Variants in TFCP2 observed in about 807,000 individuals in gnomAD.
TFCP2 encodes transcription factor CP2, also known as alpha-globin transcription factor CP2.
A neutral mutation model predicts 73.4 loss-of-function variants in TFCP2; 33 were observed. The ratio of observed to expected loss-of-function variants is 0.45; its 90% CI spans 0.34 to 0.60. The LOEUF is 0.60. Among genes scored for constraint, TFCP2 ranks in the 20% least tolerant of loss-of-function variants. TFCP2 has a pLI of 0.01. For missense variants in TFCP2, 352 were observed against 604.0 expected (o/e 0.58, Z 4.37); for synonymous variants, 193 against 211.6 (o/e 0.91, Z 0.76).
At chr12:51,142,161 GC>G (rs1304937108) in intron 1 of TFCP2, among the ~76,000 whole-genome samples, 2 of 120,052 alleles carry the variant, frequency 1.7e-5, no homozygotes, top group African/African-American at 3.2e-5. Context: ...CCGAGATTGT[GC>G]CACGGCACTC....
intron 1 of TFCP2, among the ~76,000 whole-genome samples, chr12:51,158,314 A>G (rs1192538514): frequency 1.3e-5 from 2 of 151,944 alleles, no homozygotes; most frequent in African/African-American, 4.8e-5. Flanking sequence ...CCTGGCCTCC[A>G]TTATAATCTT....
chr12:51,098,961 C>T (rs1940038780), intron 12 of TFCP2, 43 bp from the exon 13 acceptor site: 1 of 1,604,236 alleles, frequency 6.2e-7, no homozygotes, highest in African/African-American at 1.3e-5. Context: ...CAAAGTTTGT[C>T]CACTCTTACA....
chr12:51,099,843 G>C, intron 11 of TFCP2, 64 bp from the exon 12 acceptor site: 4 of 1,572,708 alleles, frequency 2.5e-6, no homozygotes, highest in Non-Finnish European at 3.5e-6. Flanking sequence ...AAAAAGAAGG[G>C]AGAAATTGTG....
intron 8 of TFCP2, 33 bp downstream of exon 8, chr12:51,106,492 C>A: frequency 6.6e-7 from 1 of 1,515,748 alleles, no homozygotes; most frequent in African/African-American, 1.4e-5. Context: ...ATATTTTGGA[C>A]AAATATAAGC....
chr12:51,126,001 C>G (rs149967439), intron 1 of TFCP2, among the ~76,000 whole-genome samples: 2,275 of 151,908 alleles, frequency 0.015, 59 homozygotes, highest in African/African-American at 0.052. Context: ...GAGGCTGAGG[C>G]AGGTGGATCA....
chr12:51,099,031 A>C, intron 12 of TFCP2, 113 bp from the exon 13 acceptor site: 1 of 1,183,944 alleles, frequency 8.4e-7, no homozygotes, highest in East Asian at 2.5e-5. Context: ...ACACTGCCTA[A>C]GTTCAAATCC....
At chr12:51,162,625 A>G (rs1437423182) in intron 1 of TFCP2, among the ~76,000 whole-genome samples, 5 of 152,136 alleles carry the variant, frequency 3.3e-5, no homozygotes, top group African/African-American at 4.8e-5. Flanking sequence ...AGTATACAAT[A>G]TATCGTTTTA....
At chr12:51,100,749 G>C (rs1940091180) in intron 11 of TFCP2, among the ~76,000 whole-genome samples, 1 of 152,138 alleles carries the variant, frequency 6.6e-6, no homozygotes, top group African/African-American at 2.4e-5. Flanking sequence ...AGGAAATCGA[G>C]GCTGCAGTGA....
At chr12:51,125,048 G>C in intron 1 of TFCP2, 1 of 747,896 alleles carries the variant, frequency 1.3e-6, no homozygotes, top group Non-Finnish European at 2.5e-6. Flanking sequence ...TCTCGGTCGT[G>C]ATGTACGTCA....
intron 1 of TFCP2, among the ~76,000 whole-genome samples, chr12:51,129,640 C>T (rs1940895956): frequency 6.6e-6 from 1 of 151,792 alleles, no homozygotes; most frequent in South Asian, 2.1e-4. Flanking sequence ...CTTTTTAGTT[C>T]TGTTCTGTAA....
At chr12:51,126,504 T>G (rs1940823095) in intron 1 of TFCP2, among the ~76,000 whole-genome samples, 2 of 152,186 alleles carry the variant, frequency 1.3e-5, no homozygotes, top group Non-Finnish European at 2.9e-5. Flanking sequence ...TGGTCTCTAA[T>G]TCATAACTGT....
At chr12:51,111,103 ATTTC>A (rs1566204504) in intron 4 of TFCP2, 120 bp from the exon 5 acceptor site, 25 of 650,668 alleles carry the variant, frequency 3.8e-5, no homozygotes, top group Admixed American at 1.3e-4. Flanking sequence ...CACATCCTAA[ATTTC>A]TTTGTTTTTT....
chr12:51,114,239 A>G (rs1940463508), intron 4 of TFCP2, among the ~76,000 whole-genome samples: 2 of 152,198 alleles, frequency 1.3e-5, no homozygotes, highest in African/African-American at 2.4e-5. Flanking sequence ...TTTCAACTCA[A>G]TAACAAAAAA....
At chr12:51,116,056 G>A (rs746027361) in intron 4 of TFCP2, among the ~76,000 whole-genome samples, 6 of 152,140 alleles carry the variant, frequency 3.9e-5, no homozygotes, top group Non-Finnish European at 7.3e-5. Flanking sequence ...TTTATGTAAT[G>A]TATATTTTAC....
At chr12:51,130,657 T>C (rs906265087) in intron 1 of TFCP2, among the ~76,000 whole-genome samples, 5 of 152,050 alleles carry the variant, frequency 3.3e-5, no homozygotes, top group Admixed American at 3.3e-4. Flanking sequence ...GCCTATATAC[T>C]GGCTAAACTA....
At chr12:51,124,729 C>A in intron 1 of TFCP2, 1 of 703,626 alleles carries the variant, frequency 1.4e-6, no homozygotes, top group South Asian at 1.4e-5. Flanking sequence ...GCCTTGGAGT[C>A]GCCCTCAGCA....
chr12:51,169,037 G>A (rs1941808611), intron 1 of TFCP2, among the ~76,000 whole-genome samples: 1 of 151,502 alleles, frequency 6.6e-6, no homozygotes, highest in Non-Finnish European at 1.5e-5. Flanking sequence ...CCTGACCTCA[G>A]GGGATCCACC....
intron 1 of TFCP2, among the ~76,000 whole-genome samples, chr12:51,144,358 G>A (rs1169454265): frequency 6.6e-6 from 1 of 152,024 alleles, no homozygotes; most frequent in Non-Finnish European, 1.5e-5. Context: ...ATCAATAAGC[G>A]AACCAAGAAA....
rs144564391 is a variant in TFCP2, at chr12:51,163,741, G to A, written c.122+8560C>T. On this transcript the variant is annotated intron_variant, in intron 1 of 14. Coordinates refer to ENST00000257915, the MANE Select transcript of TFCP2 (RefSeq NM_005653.5). ...GCTCAAGACAAGCCTGGGCACCATAGTGAAACCCCCATCTCTACAAAAAAT... is the reference window on the plus strand; with the variant it reads ...GCTCAAGACAAGCCTGGGCACCATAATGAAACCCCCATCTCTACAAAAAAT... 3.4e-3 allele frequency among the ~76,000 whole-genome samples: 511 copies of A among 151,736 alleles called. 3 individuals are homozygous for A. The highest frequency in any genetic ancestry group is 0.012 in the African/African-American group (482 of 41,380).
Sources: allele counts gnomAD v4.1 joint callset (sites outside exome capture counted in the v4.1 genomes callset), GRCh38; gene constraint gnomAD v4.1.1; transcripts MANE v1.5; gene names NCBI Gene and HGNC (gene_info 2026-07-23, HGNC 2026-07-21).